ENPP1: variants seen among roughly 807,000 people sequenced by gnomAD.
ENPP1 encodes ectonucleotide pyrophosphatase/phosphodiesterase 1, also known as ectonucleotide pyrophosphatase/phosphodiesterase family member 1.
A neutral mutation model predicts 122.8 loss-of-function variants in ENPP1; 73 were observed. The observed-to-expected ratio is 0.59, with a 90% CI of 0.49 to 0.72. The LOEUF (loss-of-function observed/expected upper bound fraction) is 0.72. Ranked by LOEUF, ENPP1 falls within the 30% of genes least tolerant of loss-of-function variation. The probability of loss-of-function intolerance (pLI) is 0.00; values close to 1 mark genes in which losing one functional copy is unlikely to be tolerated. For missense variants in ENPP1, 978 were observed against 1,128.1 expected (o/e 0.87, Z 1.91); for synonymous variants, 367 against 391.6 (o/e 0.94, Z 0.74).
At chr6:131,853,375 A>G (rs932785651) in intron 5 of ENPP1, among the ~76,000 whole-genome samples, 1 of 152,164 alleles carries the variant, frequency 6.6e-6, no homozygotes, top group Non-Finnish European at 1.5e-5. Flanking sequence ...AATATTGCTT[A>G]TAATTTTTCA....
chr6:131,812,896 A>G (rs1047196217), intron 1 of ENPP1, among the ~76,000 whole-genome samples: 8 of 152,158 alleles, frequency 5.3e-5, no homozygotes, highest in African/African-American at 1.9e-4. Flanking sequence ...CTAGAGTGCA[A>G]TAGCACAATC....
At chr6:131,879,428 G>A (rs1021505013) in intron 19 of ENPP1, among the ~76,000 whole-genome samples, 7 of 151,868 alleles carry the variant, frequency 4.6e-5, no homozygotes, top group African/African-American at 1.7e-4. Context: ...CTTGACATTT[G>A]GAAAAAGGGC....
intron 1 of ENPP1, among the ~76,000 whole-genome samples, chr6:131,811,874 G>A (rs1311065941): frequency 6.6e-6 from 1 of 152,066 alleles, no homozygotes; most frequent in Non-Finnish European, 1.5e-5. Flanking sequence ...GATGATCAAC[G>A]TTTTGGATGT....
At chr6:131,859,849 T>A (rs1329642322) in intron 7 of ENPP1, among the ~76,000 whole-genome samples, 1 of 152,192 alleles carries the variant, frequency 6.6e-6, no homozygotes, top group African/African-American at 2.4e-5. Flanking sequence ...TCTCAGTAGA[T>A]AACTTCAAGG....
chr6:131,867,916 TTTGTTTCTTTC>T, intron 11 of ENPP1, 91 bp from the exon 12 acceptor site: 2 of 835,992 alleles, frequency 2.4e-6, no homozygotes, highest in Non-Finnish European at 2.0e-6. Context: ...TCTTTCTTTC[TTTGTTTCTTTC>T]TTTTTTTTTT....
At chr6:131,829,358 ATTTTTC>A (rs1286336159) in intron 1 of ENPP1, among the ~76,000 whole-genome samples, 1 of 152,180 alleles carries the variant, frequency 6.6e-6, no homozygotes, top group Non-Finnish European at 1.5e-5. Context: ...TTGGGGGACA[ATTTTTC>A]TTTTCTTTTT....
chr6:131,845,809 T>A (rs977815903), intron 1 of ENPP1, among the ~76,000 whole-genome samples: 4 of 152,120 alleles, frequency 2.6e-5, no homozygotes, highest in Non-Finnish European at 2.9e-5. Flanking sequence ...CCATCAGAAG[T>A]TTAGGAGAAT....
chr6:131,836,123 T>TTG, intron 1 of ENPP1, among the ~76,000 whole-genome samples: 1 of 151,988 alleles, frequency 6.6e-6, no homozygotes, highest in Admixed American at 6.6e-5. Flanking sequence ...TTTTCTTTTT[T>TTG]TTTTTTGAGA....
rs1322456850 is a variant in ENPP1 at position 131,892,135 on chromosome 6, T to C, written c.*1624T>C. ...TTCCAACATCTGTCACCTCATTGTT[T>C]GCATCTACTGATGGTCTTTTTTCCA... On this transcript the variant is annotated 3_prime_UTR_variant, in exon 25 of 25. Coordinates refer to ENST00000647893, the MANE Select transcript of ENPP1 (RefSeq NM_006208.3). The C allele has an allele frequency of 6.6e-6, 1 of 152,218 alleles. No homozygotes were observed. The highest frequency in any genetic ancestry group is 2.4e-5 in the African/African-American group (1 of 41,454). 9.4% of individuals were successfully genotyped at this position (152,218 alleles called of 1,614,324 possible).
chr6:131,890,610 C>A lies in ENPP1; in HGVS notation c.*99C>A. The stretch of plus-strand genomic sequence containing the variant: ...TATTGCATTGTTCAGAAACTGTCGA[C>A]CAGAGTTAGAACGGAGCCCTCGGTG... On this transcript the variant is annotated 3_prime_UTR_variant, in exon 25 of 25. Coordinates refer to ENST00000647893, the MANE Select transcript of ENPP1 (RefSeq NM_006208.3). 1 of 1,126,650 alleles carries A rather than the reference C, an allele frequency of 8.9e-7. No individual in the cohort carries two copies. The highest frequency in any genetic ancestry group is 1.3e-6 in the Non-Finnish European group (1 of 746,160). 69.8% of individuals were successfully genotyped at this position (1,126,650 alleles called of 1,614,324 possible).
intron 9 of ENPP1, among the ~76,000 whole-genome samples, chr6:131,862,810 C>T (rs1175386063): frequency 6.6e-6 from 1 of 152,146 alleles, no homozygotes; most frequent in Non-Finnish European, 1.5e-5. Context: ...AGCTGGAGGC[C>T]GCATGGCCCC....
Position 131,878,557 on chromosome 6 carries a change from G to T in ENPP1, c.1909G>T (p.Asp637Tyr). 6.2e-7 allele frequency: 1 copy of T among 1,612,438 alleles called. No homozygotes were observed. The highest frequency in any genetic ancestry group is 2.2e-5 in the East Asian group (1 of 44,844). ...CCTTTTTTAGATTTTGCCGATTGAG[G>T]ATTTTCAAACACAGTTCAATCTGAC... ...SCNPSILPIE[D>Y]FQTQFNLTVA... Residue 637 changes from aspartate (D) to tyrosine (Y), a missense_variant, in exon 19 of 25, where the codon GAT (aspartate) becomes TAT (tyrosine). Physicochemically the swap from Asp to Tyr is radical, Grantham distance 160 (BLOSUM62 -3). Transcript: ENST00000647893.
chr6:131,886,594 T>C lies in ENPP1; in HGVS notation c.2477T>C (p.Leu826Ser). 1 of 1,613,954 alleles carries C rather than the reference T, an allele frequency of 6.2e-7. No homozygotes were observed. Among genetic ancestry groups the C allele is most frequent in the Non-Finnish European group, 8.5e-7 (1 of 1,179,800 alleles). The change falls in exon 24 of 25, where the codon TTG becomes TCG. Residue 826 changes from leucine (L) to serine (S), a missense_variant. Coordinates refer to ENST00000647893, the MANE Select transcript of ENPP1 (RefSeq NM_006208.3). ...KRRVIRNQEI[L>S]IPTHFFIVLT... is the part of the protein sequence containing the mutation. ...AGAGTCATCCGTAACCAAGAAATTTTGATTCCAACTCACTTCTTTATTGTG... is the reference window on the plus strand; with the variant it reads ...AGAGTCATCCGTAACCAAGAAATTTCGATTCCAACTCACTTCTTTATTGTG...
intron 9 of ENPP1, among the ~76,000 whole-genome samples, chr6:131,862,147 C>T (rs112642011): frequency 4.6e-5 from 7 of 151,700 alleles, no homozygotes; most frequent in African/African-American, 1.2e-4. Flanking sequence ...CCAGCCTGGG[C>T]GACAAGAGCG....
chr6:131,862,913 T>C (rs1782041912), intron 9 of ENPP1, among the ~76,000 whole-genome samples: 1 of 151,928 alleles, frequency 6.6e-6, no homozygotes, highest in Non-Finnish European at 1.5e-5. Flanking sequence ...TCTGTGTGTG[T>C]GTTTTTTTTT....
At chr6:131,869,076 G>A (rs1782125512) in intron 12 of ENPP1, among the ~76,000 whole-genome samples, 1 of 152,100 alleles carries the variant, frequency 6.6e-6, no homozygotes, top group Admixed American at 6.5e-5. Flanking sequence ...TTCACATTCG[G>A]TCTAAAAATG....
At chr6:131,823,106 G>C (rs1000465208) in intron 1 of ENPP1, among the ~76,000 whole-genome samples, 1 of 152,218 alleles carries the variant, frequency 6.6e-6, no homozygotes, top group Non-Finnish European at 1.5e-5. Context: ...TATGTGTTCA[G>C]TCATTTATGA....
In ENPP1 at chr6:131,859,418, G is replaced by A. The variant is rs1224283960; in HGVS notation, c.795+671G>A. Among the ~76,000 whole-genome samples, 4 of 148,500 alleles carry A rather than the reference G, an allele frequency of 2.7e-5. No individual in the cohort carries two copies. The East Asian group carries it at 7.9e-4, about 29-fold the overall frequency. On this transcript the variant is annotated intron_variant, in intron 7 of 24. Coordinates refer to ENST00000647893, the MANE Select transcript of ENPP1 (RefSeq NM_006208.3). ...TTTTGTTTTTTTGAGATGGACTCTT[G>A]TGCTGTTGCCAGACTGGAGTGTGGT...
chr6:131,850,654 G>T (rs936759070), intron 3 of ENPP1, among the ~76,000 whole-genome samples: 1 of 152,110 alleles, frequency 6.6e-6, no homozygotes, highest in Non-Finnish European at 1.5e-5. Context: ...TTGCAACCTT[G>T]AACTCCTGGG....
Sources: allele counts gnomAD v4.1 joint callset (sites outside exome capture counted in the v4.1 genomes callset), GRCh38; gene constraint gnomAD v4.1.1; transcripts MANE v1.5; gene names NCBI Gene and HGNC (gene_info 2026-07-23, HGNC 2026-07-21).